Variants in MYO10 observed in about 807,000 individuals in gnomAD.
MYO10 encodes unconventional myosin-X.
MYO10 carries 133 observed loss-of-function variants against 257.3 expected under a neutral mutation model. The observed-to-expected ratio is 0.52, with a 90% CI of 0.45 to 0.60. The LOEUF (loss-of-function observed/expected upper bound fraction) is 0.60, where lower values mean the gene tolerates loss of function less well. Ranked by LOEUF, MYO10 falls within the 20% of genes least tolerant of loss-of-function variation. The probability of loss-of-function intolerance (pLI) is 0.00; values close to 1 mark genes in which losing one functional copy is unlikely to be tolerated. For missense variants in MYO10, 2,399 were observed against 2,635.7 expected (o/e 0.91, Z 1.97); for synonymous variants, 1,104 against 1,028.6 (o/e 1.07, Z -1.40).
chr5:16,787,219 C>A (rs911958953), intron 4 of MYO10, among the ~76,000 whole-genome samples: 1 of 152,094 alleles, frequency 6.6e-6, no homozygotes, highest in Non-Finnish European at 1.5e-5. Flanking sequence ...GGTTGAAGAA[C>A]TGCTACTCTG....
chr5:16,904,735 C>G (rs968042029), intron 1 of MYO10, among the ~76,000 whole-genome samples: 1 of 152,162 alleles, frequency 6.6e-6, no homozygotes, highest in African/African-American at 2.4e-5. Flanking sequence ...CGAGACCATC[C>G]TGGCTAACAC....
intron 2 of MYO10, among the ~76,000 whole-genome samples, chr5:16,864,579 T>C (rs1486490866): frequency 6.6e-6 from 1 of 152,140 alleles, no homozygotes; most frequent in Non-Finnish European, 1.5e-5. Flanking sequence ...AGGAACCAGG[T>C]TCCCAGGAGA....
chr5:16,856,296 C>T (rs190632493), intron 2 of MYO10, among the ~76,000 whole-genome samples: 5 of 152,280 alleles, frequency 3.3e-5, no homozygotes, highest in Admixed American at 2.0e-4. Context: ...CTGTGGCTCA[C>T]GCCTGTAATC....
intron 19 of MYO10, among the ~76,000 whole-genome samples, chr5:16,738,890 CAA>C (rs36039787): frequency 0.014 from 1,017 of 74,186 alleles, 5 homozygotes; most frequent in Non-Finnish European, 0.018. Context: ...GACTCCATCT[CAA>C]AAAAAAAAAA....
At position 16,927,454 on chromosome 5, in the gene MYO10, A is replaced by G. The variant is rs538941442; in HGVS notation, c.21+8334T>C. Among the ~76,000 whole-genome samples, 592 of 152,150 alleles carry G rather than the reference A, an allele frequency of 3.9e-3. 1 individual carries two copies. Among genetic ancestry groups the G allele is most frequent in the Non-Finnish European group, 4.4e-3 (296 of 67,998 alleles). ...ATTCTCCTGCCTCATCCTCCCGAGT[A>G]GCTGGGACTACAGGTGCCAGCCACC... On this transcript the variant is annotated intron_variant, in intron 1 of 40. Transcript: ENST00000513610.
chr5:16,837,171 G>T (rs146401318), intron 2 of MYO10, among the ~76,000 whole-genome samples: 12 of 152,152 alleles, frequency 7.9e-5, no homozygotes, highest in African/African-American at 2.9e-4. Context: ...TTAGCAGGGC[G>T]TGGTGGCAGA....
chr5:16,869,772 G>A (rs960213619), intron 2 of MYO10, among the ~76,000 whole-genome samples: 4 of 151,270 alleles, frequency 2.6e-5, no homozygotes, highest in African/African-American at 9.8e-5. Flanking sequence ...GGCTGAGGCA[G>A]AAGAATCGCT....
intron 1 of MYO10, among the ~76,000 whole-genome samples, chr5:16,886,500 G>A (rs1361973813): frequency 6.6e-6 from 1 of 152,172 alleles, no homozygotes. Context: ...GAAGTGTTGG[G>A]TAACTCCCCA....
intron 1 of MYO10, among the ~76,000 whole-genome samples, chr5:16,882,417 T>A (rs1744779929): frequency 6.6e-6 from 1 of 152,190 alleles, no homozygotes; most frequent in South Asian, 2.1e-4. Flanking sequence ...TCCTAGTTGT[T>A]TACTCAAAAA....
At chr5:16,933,628 T>C (rs1300618012) in intron 1 of MYO10, among the ~76,000 whole-genome samples, 2 of 152,240 alleles carry the variant, frequency 1.3e-5, no homozygotes, top group Non-Finnish European at 2.9e-5. Flanking sequence ...GCTGTTTCTA[T>C]TCTAACAGGA....
chr5:16,718,751 C>A (rs964231045), intron 19 of MYO10, among the ~76,000 whole-genome samples: 22 of 152,128 alleles, frequency 1.4e-4, no homozygotes, highest in African/African-American at 5.1e-4. Context: ...TGTAAATACA[C>A]CAATCGGCAC....
chr5:16,753,105 C>A (rs1740427279), intron 19 of MYO10, among the ~76,000 whole-genome samples: 1 of 152,140 alleles, frequency 6.6e-6, no homozygotes. Flanking sequence ...AAAGAGATGT[C>A]CAATTTTGCC....
intron 9 of MYO10, among the ~76,000 whole-genome samples, chr5:16,778,884 G>A (rs963718650): frequency 6.6e-6 from 1 of 152,034 alleles, no homozygotes; most frequent in African/African-American, 2.4e-5. Context: ...TGGAGACGGG[G>A]TTTCACCGTG....
chr5:16,685,639 G>T, intron 29 of MYO10, 99 bp downstream of exon 29: 1 of 894,578 alleles, frequency 1.1e-6, no homozygotes, highest in Non-Finnish European at 1.7e-6. Context: ...AAAAAAGACT[G>T]TCTGGAAATT....
At chr5:16,699,083 T>G (rs1378580509) in intron 26 of MYO10, among the ~76,000 whole-genome samples, 1 of 150,534 alleles carries the variant, frequency 6.6e-6, no homozygotes, top group African/African-American at 2.5e-5. Flanking sequence ...GGAGAGAAAA[T>G]AGAAGGATGA....
intron 3 of MYO10, among the ~76,000 whole-genome samples, chr5:16,814,227 C>T (rs909366223): frequency 1.3e-5 from 2 of 152,168 alleles, no homozygotes; most frequent in African/African-American, 2.4e-5. Flanking sequence ...CTGCAAGCTC[C>T]GCCTCCCGGG....
chr5:16,674,100 T>C (rs1029154431), intron 35 of MYO10, among the ~76,000 whole-genome samples: 1 of 152,196 alleles, frequency 6.6e-6, no homozygotes, highest in African/African-American at 2.4e-5. Flanking sequence ...AATGTCTCAC[T>C]GGGAGCAACT....
intron 4 of MYO10, among the ~76,000 whole-genome samples, chr5:16,793,665 C>T (rs1338285221): frequency 6.6e-6 from 1 of 152,170 alleles, no homozygotes; most frequent in Non-Finnish European, 1.5e-5. Flanking sequence ...AGCGGTGGCT[C>T]ACGCCTGTAA....
At chr5:16,870,999 C>T (rs115817293) in intron 2 of MYO10, among the ~76,000 whole-genome samples, 3,622 of 152,240 alleles carry the variant, frequency 0.024, 64 homozygotes, top group Non-Finnish European at 0.036. Flanking sequence ...ATGGTATTTC[C>T]TCTGTTGTGT....
Sources: allele counts gnomAD v4.1 joint callset (sites outside exome capture counted in the v4.1 genomes callset), GRCh38; gene constraint gnomAD v4.1.1; transcripts MANE v1.5; gene names NCBI Gene and HGNC (gene_info 2026-07-23, HGNC 2026-07-21).